Variants in DLG2 observed in about 807,000 individuals in gnomAD.
DLG2 encodes the protein discs large MAGUK scaffold protein 2.
In DLG2, 45 loss-of-function variants were observed where a neutral mutation model predicts 132.5. The observed-to-expected ratio is 0.34, with a 90% CI of 0.27 to 0.44. DLG2 has a LOEUF of 0.44. DLG2 is among the 20% of genes least tolerant of loss of function. The pLI is 1.00. For missense variants in DLG2, 1,045 were observed against 1,196.9 expected (o/e 0.87, Z 1.87); for synonymous variants, 424 against 419.6 (o/e 1.01, Z -0.13).
In DLG2 at chr11:84,819,386, A is replaced by G. The variant is rs566700967; in HGVS notation, c.358-284655T>C. On this transcript the variant is annotated intron_variant, in intron 6 of 27. Coordinates refer to ENST00000376104, the MANE Select transcript of DLG2 (RefSeq NM_001142699.3). The stretch of plus-strand genomic sequence containing the variant: ...TGCATGTCAGCAGTGGTTTTTCTTC[A>G]GTGACACTGAGAAGAGAAAAGCCTT... 3.9e-5 allele frequency among the ~76,000 whole-genome samples: 6 copies of G among 152,020 alleles called. No individual in the cohort carries two copies. In the South Asian group the frequency reaches 1.2e-3, roughly 32 times the overall value.
chr11:85,288,237 A>G (rs1461329947), intron 3 of DLG2, among the ~76,000 whole-genome samples: 1 of 152,112 alleles, frequency 6.6e-6, no homozygotes, highest in African/African-American at 2.4e-5. Flanking sequence ...AGATTTACAG[A>G]GAAAAGTTAG....
rs368349083 is a variant in DLG2 at position 85,154,563 on chromosome 11, G to A, written c.275C>T (p.Thr92Met). ...NQSFENETDE[T>M]TTQNQGRCPA... ...AAACAGTATAACACTTACAGTTGTC[G>A]TCTCATCAGTTTCATTTTCAAAACT... The change falls in exon 5 of 28, where the codon ACG becomes ATG. Residue 92 changes from threonine to methionine, a missense_variant. Physicochemically the swap from Thr to Met is moderately conservative, Grantham distance 81. Around this residue, in one of 4 missense-constraint regions of DLG2, gnomAD observed 277 missense variants for 238.2 expected, o/e 1.16. Transcript: ENST00000376104. 130 of 1,474,086 alleles carry A rather than the reference G, an allele frequency of 8.8e-5. No individual in the cohort carries two copies. The highest frequency in any genetic ancestry group is 1.1e-4 in the Non-Finnish European group (114 of 1,079,212). The allele number at this position is 1,474,086 out of a possible 1,614,324, so 91.3% of individuals were successfully genotyped here.
At chr11:84,385,122 T>C (rs1426279462) in intron 7 of DLG2, among the ~76,000 whole-genome samples, 1 of 152,094 alleles carries the variant, frequency 6.6e-6, no homozygotes, top group Non-Finnish European at 1.5e-5. Context: ...ACTTCTCCAA[T>C]CATTTCTGTA....
At chr11:83,723,019 A>G (rs1388421665) in intron 18 of DLG2, among the ~76,000 whole-genome samples, 2 of 152,142 alleles carry the variant, frequency 1.3e-5, no homozygotes, top group Non-Finnish European at 2.9e-5. Flanking sequence ...TGTGGATGCA[A>G]TTAGGAACAA....
chr11:85,348,130 C>T (rs531783061), intron 3 of DLG2, among the ~76,000 whole-genome samples: 31 of 151,584 alleles, frequency 2.0e-4, no homozygotes, highest in Non-Finnish European at 3.1e-4. Context: ...GGACTACACG[C>T]GCATGCCACC....
intron 8 of DLG2, among the ~76,000 whole-genome samples, chr11:84,218,105 T>C (rs1437500843): frequency 6.6e-6 from 1 of 151,972 alleles, no homozygotes; most frequent in Non-Finnish European, 1.5e-5. Context: ...GAGGTGGAAA[T>C]TGCGGTGAGC....
intron 2 of DLG2, among the ~76,000 whole-genome samples, chr11:85,624,649 G>A (rs910211558): frequency 2.6e-5 from 4 of 152,094 alleles, no homozygotes; most frequent in African/African-American, 9.7e-5. Context: ...AACTTGTTTG[G>A]CTAGTTGTCT....
chr11:85,456,709 T>C (rs57033473), intron 3 of DLG2, among the ~76,000 whole-genome samples: 4,474 of 152,312 alleles, frequency 0.029, 189 homozygotes, highest in African/African-American at 0.1. Context: ...ATTTCTGCCA[T>C]AGTTTCCCTA....
chr11:84,868,490 C>G (rs186468540), intron 6 of DLG2, among the ~76,000 whole-genome samples: 2 of 151,970 alleles, frequency 1.3e-5, no homozygotes, highest in Non-Finnish European at 2.9e-5. Context: ...TATTTCGTAA[C>G]CAGAGAAACA....
chr11:83,833,492 G>T, intron 17 of DLG2, 122 bp downstream of exon 17: 1 of 1,043,096 alleles, frequency 9.6e-7, no homozygotes. Flanking sequence ...ACCAGAAGTC[G>T]TGATGCTCTC....
intron 8 of DLG2, among the ~76,000 whole-genome samples, chr11:84,236,361 G>T (rs1003050559): frequency 3.3e-5 from 5 of 152,168 alleles, no homozygotes; most frequent in Admixed American, 1.3e-4. Context: ...CTTGGGCAGG[G>T]TTTTGATATT....
At chr11:85,196,319 A>G (rs186567035) in intron 4 of DLG2, among the ~76,000 whole-genome samples, 2 of 152,394 alleles carry the variant, frequency 1.3e-5, no homozygotes, top group East Asian at 3.9e-4. Flanking sequence ...GTAAAATTTT[A>G]AGAACAAACT....
intron 8 of DLG2, among the ~76,000 whole-genome samples, chr11:84,210,100 T>A (rs1597472844): frequency 6.6e-6 from 1 of 151,720 alleles, no homozygotes; most frequent in Non-Finnish European, 1.5e-5. Flanking sequence ...CTGGGAAACA[T>A]GGTGAAACCC....
At chr11:83,550,510 T>C (rs1369848785) in intron 19 of DLG2, among the ~76,000 whole-genome samples, 1 of 152,126 alleles carries the variant, frequency 6.6e-6, no homozygotes, top group Admixed American at 6.5e-5. Flanking sequence ...TGTTGACTCA[T>C]AAGTCTCTTA....
intron 4 of DLG2, among the ~76,000 whole-genome samples, chr11:85,242,309 AC>A (rs1184751411): frequency 2.0e-5 from 3 of 150,340 alleles, no homozygotes; most frequent in African/African-American, 7.3e-5. Flanking sequence ...CCTCTTTGGA[AC>A]TTTTTATAAA....
At chr11:84,546,737 T>C in intron 6 of DLG2, 1 of 427,952 alleles carries the variant, frequency 2.3e-6, no homozygotes, top group South Asian at 2.1e-5. Context: ...GTGCTCCCAA[T>C]TGCTCACAAT....
chr11:83,578,332 C>T (rs904060598), intron 19 of DLG2, among the ~76,000 whole-genome samples: 1 of 151,614 alleles, frequency 6.6e-6, no homozygotes, highest in South Asian at 2.1e-4. Flanking sequence ...ATCCAGTAAA[C>T]CTCCAAACAG....
chr11:85,003,739 T>C (rs865943819), intron 6 of DLG2, among the ~76,000 whole-genome samples: 2 of 152,166 alleles, frequency 1.3e-5, no homozygotes, highest in Non-Finnish European at 2.9e-5. Flanking sequence ...TTTTTCATTA[T>C]ACTTTAAGTT....
At chr11:83,851,019 TACAAAA>T (rs1258292434) in intron 16 of DLG2, among the ~76,000 whole-genome samples, 1 of 151,406 alleles carries the variant, frequency 6.6e-6, no homozygotes, top group African/African-American at 2.4e-5. Flanking sequence ...TACTGAAAAA[TACAAAA>T]AATTAGCCTG....
Sources: allele counts gnomAD v4.1 joint callset (sites outside exome capture counted in the v4.1 genomes callset), GRCh38; gene constraint gnomAD v4.1.1; regional missense constraint gnomAD v4.1.1; transcripts MANE v1.5; gene names NCBI Gene and HGNC (gene_info 2026-07-23, HGNC 2026-07-21).